The following RTN4IP1 variants were observed in gnomAD, a reference collection of about 807,000 sequenced individuals.
RTN4IP1 encodes the protein NAD(P)H oxidoreductase RTN4IP1, mitochondrial.
RTN4IP1 carries 32 observed loss-of-function variants against 46.6 expected under a neutral mutation model. The ratio of observed to expected loss-of-function variants is 0.69; its 90% CI spans 0.52 to 0.92. The LOEUF (loss-of-function observed/expected upper bound fraction) is 0.92. Ranked by LOEUF, RTN4IP1 falls within the 40% of genes least tolerant of loss-of-function variation. The pLI is 0.00. For synonymous variants in RTN4IP1, 167 were observed against 161.8 expected, an observed-to-expected ratio of 1.03 and a Z score of -0.24; for missense variants, 424 against 485.8, an observed-to-expected ratio of 0.87 and a Z score of 1.20.
chr6:106,589,558 G>A (rs991814417), intron 6 of RTN4IP1, among the ~76,000 whole-genome samples: 7 of 152,136 alleles, frequency 4.6e-5, no homozygotes, highest in Middle Eastern at 3.4e-3. Context: ...CCAGGTTGTG[G>A]ATCCAGCTCT....
chr6:106,629,770 A>G (rs189221387), upstream of RTN4IP1: 84 of 1,561,048 alleles, frequency 5.4e-5, 1 homozygote, highest in East Asian at 8.6e-4. Flanking sequence ...TCGTTGACAA[A>G]GAGTCCCTGG....
rs747627789 is a variant in RTN4IP1 at position 106,628,903 on chromosome 6, C to T, written c.119G>A (p.Ser40Asn). The T allele has an allele frequency of 1.9e-6, 3 of 1,614,024 alleles. No homozygotes were observed. The highest frequency in any genetic ancestry group is 1.7e-5 in the Admixed American group (1 of 59,998). Reference protein sequence around the residue: ...VRRISTTSPRSTVMPAWVIDK... With the variant: ...VRRISTTSPRNTVMPAWVIDK... ...TATCACCCAAGCAGGCATGACAGTG[C>T]TCCTAGGAGAGGTAGTACTAATCCT... is the stretch of plus-strand genomic sequence containing the variant. Residue 40 changes from serine to asparagine, a missense_variant, in exon 1 of 9, where the codon AGC (serine) becomes AAC (asparagine). By Grantham distance (46) the Ser-to-Asn change is conservative (BLOSUM62 1). Coordinates refer to ENST00000369063, the MANE Select transcript of RTN4IP1 (RefSeq NM_032730.5).
chr6:106,609,540 A>G (rs1776171636), intron 4 of RTN4IP1, among the ~76,000 whole-genome samples: 1 of 152,200 alleles, frequency 6.6e-6, no homozygotes, highest in African/African-American at 2.4e-5. Flanking sequence ...AAAAAAAGAA[A>G]TCATCCAATC....
At position 106,622,999 on chromosome 6, in the gene RTN4IP1, A is replaced by G. The variant is rs537233760; in HGVS notation, c.275-30T>C. On this transcript the variant is annotated intron_variant, in intron 1 of 8. Coordinates refer to ENST00000369063, the MANE Select transcript of RTN4IP1 (RefSeq NM_032730.5). ...AAAATACAATTTATCTGTTTCCTCCAAATGTAAGTATGAAATGCTTTTAAA... is the reference window on the plus strand; with the variant it reads ...AAAATACAATTTATCTGTTTCCTCCGAATGTAAGTATGAAATGCTTTTAAA... 102 of 1,608,058 alleles carry G rather than the reference A, an allele frequency of 6.3e-5. 2 individuals carry two copies. In the South Asian group the frequency reaches 1.1e-3, roughly 17 times the overall value.
intron 5 of RTN4IP1, among the ~76,000 whole-genome samples, chr6:106,596,448 G>A (rs1775795322): frequency 6.6e-6 from 1 of 152,144 alleles, no homozygotes; most frequent in Admixed American, 6.5e-5. Flanking sequence ...GCTGGGCATG[G>A]TGGCATGTGC....
At chr6:106,608,526 T>C (rs6938201) in intron 4 of RTN4IP1, among the ~76,000 whole-genome samples, 129,347 of 152,216 alleles carry the variant, frequency 0.85, 55,626 homozygotes, top group South Asian at 0.94. Context: ...AATGTTTGAC[T>C]TGAAGGATAT....
chr6:106,607,998 G>A (rs1009162107), intron 4 of RTN4IP1, among the ~76,000 whole-genome samples: 11 of 152,228 alleles, frequency 7.2e-5, no homozygotes, highest in Admixed American at 3.3e-4. Context: ...AGAGGAAGGA[G>A]AATCAGTCAT....
In RTN4IP1 at chr6:106,619,085, G is replaced by A. The variant is rs1776417494; in HGVS notation, c.620+117C>T. 1.4e-5 allele frequency: 16 copies of A among 1,159,026 alleles called. No homozygotes were observed. The South Asian group carries it at 1.8e-4, about 13-fold the overall frequency. 71.8% of individuals were successfully genotyped at this position (1,159,026 alleles called of 1,614,324 possible). ...CTTTGGAAATTGTTTTCAAATGTTA[G>A]TACAGCTCTGTTCGTGTAAATGATA... On this transcript the variant is annotated intron_variant, in intron 4 of 8. Transcript: ENST00000369063.
Position 106,628,959 on chromosome 6 carries a change from T to TC in RTN4IP1, c.62dup (p.Ser22LysfsTer10). On this transcript the variant is annotated frameshift_variant, in exon 1 of 9. Transcript: ENST00000369063. LOFTEE classifies it high-confidence loss of function. The stretch of plus-strand genomic sequence containing the variant: ...CTGAAGGCTTTTGGACAACTTTGCT[T>TC]CTCCAGAAGCAAACCGCAGTGCATG... The TC allele has an allele frequency of 6.2e-7, 1 of 1,614,062 alleles. No individual in the cohort carries two copies. The highest frequency in any genetic ancestry group is 1.3e-5 in the African/African-American group (1 of 75,004).
At chr6:106,604,775 C>T (rs1434420582) in intron 4 of RTN4IP1, among the ~76,000 whole-genome samples, 1 of 152,206 alleles carries the variant, frequency 6.6e-6, no homozygotes, top group African/African-American at 2.4e-5. Context: ...CTCCCCTTCC[C>T]TCCACCCTAT....
intron 7 of RTN4IP1, among the ~76,000 whole-genome samples, chr6:106,584,854 G>A (rs942939392): frequency 2.6e-5 from 4 of 152,248 alleles, no homozygotes; most frequent in African/African-American, 9.6e-5. Flanking sequence ...CTGGGTGAGT[G>A]ACCCTATAGA....
intron 8 of RTN4IP1, among the ~76,000 whole-genome samples, chr6:106,578,496 T>C (rs1450072228): frequency 6.6e-6 from 1 of 152,226 alleles, no homozygotes; most frequent in Non-Finnish European, 1.5e-5. Flanking sequence ...TGTTAAATAG[T>C]ATGAAAACAG....
At chr6:106,611,035 C>A (rs962476) in intron 4 of RTN4IP1, among the ~76,000 whole-genome samples, 19 of 150,654 alleles carry the variant, frequency 1.3e-4, no homozygotes, top group South Asian at 1.3e-3. Context: ...CGCCAACCCC[C>A]TTAGCTGCCT....
intron 1 of RTN4IP1, among the ~76,000 whole-genome samples, chr6:106,627,974 A>T (rs1396763292): frequency 6.9e-6 from 1 of 145,022 alleles, no homozygotes; most frequent in Non-Finnish European, 1.5e-5. Context: ...AGGCTGAAGC[A>T]GGAGAATCGC....
intron 7 of RTN4IP1, among the ~76,000 whole-genome samples, chr6:106,583,907 C>G (rs1775424707): frequency 1.3e-5 from 2 of 152,034 alleles, no homozygotes; most frequent in African/African-American, 4.8e-5. Context: ...TTTTTTCTGG[C>G]TCTGACAGGA....
At chr6:106,601,534 C>T (rs778816966) in intron 5 of RTN4IP1, among the ~76,000 whole-genome samples, 28 of 151,872 alleles carry the variant, frequency 1.8e-4, no homozygotes, top group Non-Finnish European at 3.4e-4. Context: ...CTTTTTTTCC[C>T]TTTCCCTGCC....
chr6:106,628,490 GAC>G (rs1209781702), intron 1 of RTN4IP1, among the ~76,000 whole-genome samples: 2 of 151,858 alleles, frequency 1.3e-5, no homozygotes, highest in Non-Finnish European at 2.9e-5. Context: ...GTTAGCTACA[GAC>G]ACAGTTCTCA....
intron 5 of RTN4IP1, among the ~76,000 whole-genome samples, chr6:106,594,001 A>G (rs1169594735): frequency 6.6e-6 from 1 of 152,220 alleles, no homozygotes; most frequent in African/African-American, 2.4e-5. Context: ...CACATTTAAT[A>G]CATGTTTTTC....
intron 8 of RTN4IP1, among the ~76,000 whole-genome samples, chr6:106,580,802 T>A (rs1223755786): frequency 6.6e-6 from 1 of 151,842 alleles, no homozygotes; most frequent in Non-Finnish European, 1.5e-5. Flanking sequence ...ACAGAAATGG[T>A]TATATATACA....
Sources: allele counts gnomAD v4.1 joint callset (sites outside exome capture counted in the v4.1 genomes callset), GRCh38; gene constraint gnomAD v4.1.1; transcripts MANE v1.5; gene names NCBI Gene and HGNC (gene_info 2026-07-23, HGNC 2026-07-21).